VMA21: variants seen among roughly 807,000 people sequenced by gnomAD.
The protein encoded by VMA21 is vacuolar ATPase assembly integral membrane protein VMA21.
For missense variants in VMA21, 61 were observed against 80.6 expected, an observed-to-expected ratio of 0.76 and a Z score of 0.93; for synonymous variants, 47 against 34.1, an observed-to-expected ratio of 1.38 and a Z score of -1.32.
At chrX:151,404,305 C>G (rs1231174667) in intron 2 of VMA21, among the ~76,000 whole-genome samples, 1 of 112,309 alleles carries the variant, frequency 8.9e-6, no homozygotes, top group Non-Finnish European at 1.9e-5. Context: ...GAACTCGTGA[C>G]CTCAGGTGAT....
At chrX:151,398,838 A>T (rs954774273) in intron 1 of VMA21, among the ~76,000 whole-genome samples, 2 of 112,237 alleles carry the variant, frequency 1.8e-5, no homozygotes, top group African/African-American at 6.5e-5. Context: ...TTATAAATGG[A>T]GGCAGATTAA....
chrX:151,397,372 G>A lies in VMA21; in HGVS notation c.53+11G>A. ...GCCTCCTGAGTTCAGGTAGCCCTGA[G>A]CGGGGCCTGGACCGCGAGGCGGACT... On this transcript the variant is annotated intron_variant, in intron 1 of 2. Transcript: ENST00000330374. 8.6e-7 allele frequency: 1 copy of A among 1,160,779 alleles called. No individual in the cohort carries two copies. Among genetic ancestry groups the A allele is most frequent in the Non-Finnish European group, 1.1e-6 (1 of 872,226 alleles).
rs768875982 is a variant in VMA21, at chrX:151,403,582, G to A, written c.54-49G>A. 6 of 930,630 alleles carry A rather than the reference G, an allele frequency of 6.4e-6. No individual in the cohort carries two copies. The East Asian group carries it at 1.5e-4, about 24-fold the overall frequency. The allele number at this position is 930,630 out of a possible 1,213,427, so 76.7% of individuals were successfully genotyped here. ...TAGTTTCAGGGACATAAGAGCGTTT[G>A]GATATGACTGTGCAGGTTCTGATTT... On this transcript the variant is annotated intron_variant, in intron 1 of 2. Transcript: ENST00000330374.
rs969279205 is a variant in VMA21, at chrX:151,407,028, A to G, written c.*1970A>G. 1.8e-5 allele frequency: 2 copies of G among 112,496 alleles called. No homozygotes were observed. The highest frequency in any genetic ancestry group is 6.5e-5 in the African/African-American group (2 of 30,957). 9.3% of individuals were successfully genotyped at this position (112,496 alleles called of 1,213,427 possible). On this transcript the variant is annotated 3_prime_UTR_variant, in exon 3 of 3. Coordinates refer to ENST00000330374, the MANE Select transcript of VMA21 (RefSeq NM_001017980.4). ...ATTTCTAGATGGTCCCTAATTAAGAAGTATTGTTGTATTTAGAATTGTCCA... is the reference window on the plus strand; with the variant it reads ...ATTTCTAGATGGTCCCTAATTAAGAGGTATTGTTGTATTTAGAATTGTCCA...
chrX:151,406,789 C>T lies in VMA21; in HGVS notation c.*1731C>T, dbSNP rs1414430804. 1 of 112,052 alleles carries T rather than the reference C, an allele frequency of 8.9e-6. No homozygotes were observed. The highest frequency in any genetic ancestry group is 1.9e-5 in the Non-Finnish European group (1 of 53,248). 9.2% of individuals were successfully genotyped at this position (112,052 alleles called of 1,213,427 possible). On this transcript the variant is annotated 3_prime_UTR_variant, in exon 3 of 3. Coordinates refer to ENST00000330374, the MANE Select transcript of VMA21 (RefSeq NM_001017980.4). ...GGATTCTTGCTTAAGTATGTGAAAC[C>T]ATTACCGATTTGTTGTTCACATTTA...
At chrX:151,397,107 TGCGGCGCGCC>T (rs1569365082), upstream of VMA21, 2 of 346,407 alleles carry the variant, frequency 5.8e-6, no homozygotes, top group African/African-American at 3.1e-5. Context: ...CCTGCGTCGC[TGCGGCGCGCC>T]GCGCCGCGCC....
chrX:151,403,439 T>C (rs2011254555), intron 1 of VMA21, among the ~76,000 whole-genome samples, 192 bp from the exon 2 acceptor site: 1 of 112,720 alleles, frequency 8.9e-6, no homozygotes, highest in Admixed American at 9.3e-5. Context: ...TGGTGTATAA[T>C]CTTCATGTTC....
In VMA21 at chrX:151,397,268, C is replaced by A; in HGVS notation, c.-41C>A. ...AGCTTACTGAGCGCGGCCGCCGAGC[C>A]CAGCTCCGCCGCCGAGCGCCTGTGC... On this transcript the variant is annotated 5_prime_UTR_variant, in exon 1 of 3. Transcript: ENST00000330374. 3.5e-6 allele frequency: 4 copies of A among 1,150,067 alleles called. No homozygotes were observed. Among genetic ancestry groups the A allele is most frequent in the Non-Finnish European group, 4.6e-6 (4 of 867,136 alleles). 94.8% of individuals were successfully genotyped at this position (1,150,067 alleles called of 1,213,427 possible).
At chrX:151,399,627 G>T (rs757296950) in intron 1 of VMA21, among the ~76,000 whole-genome samples, 1 of 111,497 alleles carries the variant, frequency 9.0e-6, no homozygotes, top group South Asian at 3.7e-4. Context: ...CTCTTCATGA[G>T]GATTACACAA....
chrX:151,399,149 TAGTG>T lies in VMA21; in HGVS notation c.53+1791_53+1794del, dbSNP rs200444783. On this transcript the variant is annotated intron_variant, in intron 1 of 2. Coordinates refer to ENST00000330374, the MANE Select transcript of VMA21 (RefSeq NM_001017980.4). ...TTTGACTTAATGCTTAGTCCCATAT[TAGTG>T]AGGTCACAACACAGAAAAGTAGTCA... is the stretch of plus-strand genomic sequence containing the variant. Among the ~76,000 whole-genome samples the T allele has an allele frequency of 3.2e-3, 360 of 112,085 alleles. 13 individuals carry two copies. In the East Asian group the frequency reaches 0.049, roughly 15 times the overall value.
intron 1 of VMA21, 115 bp downstream of exon 1, chrX:151,397,476 C>T: frequency 1.1e-6 from 1 of 895,089 alleles, no homozygotes; most frequent in Non-Finnish European, 1.5e-6. Flanking sequence ...GGGGACCTGG[C>T]CTCAGGGAAG....
At chrX:151,398,107 C>T (rs1280323530) in intron 1 of VMA21, among the ~76,000 whole-genome samples, 1 of 109,532 alleles carries the variant, frequency 9.1e-6, no homozygotes, top group African/African-American at 3.3e-5. Flanking sequence ...AACGTTTGAC[C>T]AAGCTCACTG....
chrX:151,401,293 A>T (rs1199098341), intron 1 of VMA21, among the ~76,000 whole-genome samples: 2 of 111,413 alleles, frequency 1.8e-5, no homozygotes, highest in Non-Finnish European at 3.8e-5. Context: ...TCCTTTCCCC[A>T]TTGTGTTCCT....
In VMA21 at chrX:151,408,831, C is replaced by T. The variant is rs2011322955; in HGVS notation, c.*3773C>T. The T allele has an allele frequency of 8.9e-6, 1 of 112,586 alleles. No individual in the cohort carries two copies. 9.3% of individuals were successfully genotyped at this position (112,586 alleles called of 1,213,427 possible). On this transcript the variant is annotated 3_prime_UTR_variant, in exon 3 of 3. Transcript: ENST00000330374. ...CGACATCACTCCTGGCCACACTTTC[C>T]TTGCCTGTGTTGTTGCTATGTGTAT...
In VMA21 at chrX:151,397,238, C is replaced by T. The variant is rs2011199874; in HGVS notation, c.-71C>T. ...GTGCGAACCGCCTCGGCCGTTCCCT[C>T]GCGGAGCTTACTGAGCGCGGCCGCC... On this transcript the variant is annotated 5_prime_UTR_variant, in exon 1 of 3. Transcript: ENST00000330374. 1.2e-5 allele frequency: 13 copies of T among 1,103,243 alleles called. No individual in the cohort carries two copies. The highest frequency in any genetic ancestry group is 3.6e-6 in the Non-Finnish European group (3 of 831,017). 90.9% of individuals were successfully genotyped at this position (1,103,243 alleles called of 1,213,427 possible).
chrX:151,399,952 C>T (rs1002146023), intron 1 of VMA21, among the ~76,000 whole-genome samples: 6 of 111,084 alleles, frequency 5.4e-5, no homozygotes, highest in Non-Finnish European at 1.1e-4. Flanking sequence ...AGGTTCATAA[C>T]ATGATGTTAT....
chrX:151,397,147 C>A, upstream of VMA21: 2 of 459,653 alleles, frequency 4.4e-6, no homozygotes, highest in African/African-American at 2.6e-5. Flanking sequence ...TACTGTGGCC[C>A]GCCGCCCGGC....
At chrX:151,396,905 C>A, upstream of VMA21, 1 of 524,656 alleles carries the variant, frequency 1.9e-6, no homozygotes, top group Admixed American at 2.6e-5. Flanking sequence ...AGTGTTCACG[C>A]GAGTTCAGGG....
rs762469521 is a variant in VMA21, at chrX:151,405,166, TAAG to T, written c.*109_*111del. On this transcript the variant is annotated 3_prime_UTR_variant, in exon 3 of 3. Coordinates refer to ENST00000330374, the MANE Select transcript of VMA21 (RefSeq NM_001017980.4). ...TGAAAGAACATGTTAAAGTCAGTCT[TAAG>T]GAGTCACGTTTGAGTATGTAAATTT... 4.2e-5 allele frequency: 40 copies of T among 952,467 alleles called. No individual in the cohort carries two copies. The highest frequency in any genetic ancestry group is 4.9e-5 in the Non-Finnish European group (34 of 689,320). The allele number at this position is 952,467 out of a possible 1,213,427, so 78.5% of individuals were successfully genotyped here.
Sources: gnomAD v4.1 joint callset for allele counts (sites outside exome capture counted in the v4.1 genomes callset) on GRCh38, gnomAD v4.1.1 for gene constraint, MANE v1.5 for transcripts, NCBI Gene and HGNC (gene_info 2026-07-23, HGNC 2026-07-21) for gene names.